The following DGKB variants were observed in gnomAD, a reference collection of about 807,000 sequenced individuals.
The protein encoded by DGKB is 90 kDa diacylglycerol kinase.
Under a neutral mutation model 114.3 loss-of-function variants are expected in DGKB, and 67 were observed. That is an observed-to-expected ratio of 0.59 (90% CI 0.48 to 0.72). The LOEUF (loss-of-function observed/expected upper bound fraction) is 0.72, where lower values mean the gene tolerates loss of function less well. Ranked by LOEUF, DGKB falls within the 30% of genes least tolerant of loss-of-function variation. DGKB has a pLI of 0.00. For missense variants in DGKB, 907 were observed against 975.2 expected, an observed-to-expected ratio of 0.93 and a Z score of 0.93; for synonymous variants, 398 against 323.1, an observed-to-expected ratio of 1.23 and a Z score of -2.49.
At chr7:14,497,472 AT>A (rs934690250) in intron 20 of DGKB, among the ~76,000 whole-genome samples, 6 of 151,872 alleles carry the variant, frequency 4.0e-5, no homozygotes, top group African/African-American at 1.4e-4. Context: ...TATGAAGTCC[AT>A]CCCCCCATAT....
intron 23 of DGKB, among the ~76,000 whole-genome samples, chr7:14,182,632 GC>G (rs2128252482): frequency 6.6e-6 from 1 of 152,164 alleles, no homozygotes; most frequent in African/African-American, 2.4e-5. Context: ...AATAATTAGT[GC>G]TGCATTCATC....
chr7:14,396,926 A>G (rs1020906096), intron 21 of DGKB, among the ~76,000 whole-genome samples: 1 of 152,180 alleles, frequency 6.6e-6, no homozygotes, highest in African/African-American at 2.4e-5. Flanking sequence ...AACTTTGAAT[A>G]AGGTTGAGAA....
At chr7:14,656,733 CAGTATATATATAGGATAT>C (rs1563814082) in intron 13 of DGKB, among the ~76,000 whole-genome samples, 2 of 125,908 alleles carry the variant, frequency 1.6e-5, no homozygotes, top group Non-Finnish European at 3.3e-5. Flanking sequence ...GATATATATA[CAGTATATATATAGGATAT>C]ATACACACAC....
At chr7:14,804,215 T>A (rs1408342258) in intron 2 of DGKB, among the ~76,000 whole-genome samples, 1 of 151,980 alleles carries the variant, frequency 6.6e-6, no homozygotes, top group Non-Finnish European at 1.5e-5. Flanking sequence ...TTACAGTTAA[T>A]TTGCTTGACA....
chr7:14,936,667 G>A (rs1231834143), intron 1 of DGKB, among the ~76,000 whole-genome samples: 1 of 152,054 alleles, frequency 6.6e-6, no homozygotes, highest in Non-Finnish European at 1.5e-5. Context: ...CTGTTTGCGG[G>A]CTCGGCATCC....
At chr7:14,883,072 A>G (rs1290832305) in intron 1 of DGKB, among the ~76,000 whole-genome samples, 1 of 151,978 alleles carries the variant, frequency 6.6e-6, no homozygotes, top group East Asian at 1.9e-4. Flanking sequence ...TTCTGATGAC[A>G]TGAAAGCATG....
At chr7:14,319,069 T>C (rs917478808) in intron 23 of DGKB, among the ~76,000 whole-genome samples, 2 of 143,388 alleles carry the variant, frequency 1.4e-5, no homozygotes, top group Non-Finnish European at 3.0e-5. Flanking sequence ...TGCTCACTCA[T>C]AGGTGGGAAT....
At chr7:14,611,925 C>CT (rs1232139883) in intron 16 of DGKB, among the ~76,000 whole-genome samples, 2 of 151,176 alleles carry the variant, frequency 1.3e-5, no homozygotes, top group Admixed American at 1.3e-4. Flanking sequence ...GGAAAGTTTT[C>CT]TTTTTTTGTT....
At chr7:14,329,498 G>A (rs1422268172) in intron 23 of DGKB, among the ~76,000 whole-genome samples, 1 of 151,924 alleles carries the variant, frequency 6.6e-6, no homozygotes, top group Non-Finnish European at 1.5e-5. Flanking sequence ...GGAGGAACAA[G>A]GAAAATGGTT....
chr7:14,590,856 G>C (rs569891131), intron 17 of DGKB, among the ~76,000 whole-genome samples: 1 of 152,144 alleles, frequency 6.6e-6, no homozygotes, highest in East Asian at 1.9e-4. Context: ...ATTAAAAGTA[G>C]TATAGGTATG....
At chr7:14,398,803 A>AT (rs397773296) in intron 21 of DGKB, among the ~76,000 whole-genome samples, 1 of 151,254 alleles carries the variant, frequency 6.6e-6, no homozygotes, top group African/African-American at 2.4e-5. Flanking sequence ...TAAAAAAAAA[A>AT]AGTTGCAGAA....
intron 7 of DGKB, 141 bp downstream of exon 7, chr7:14,701,540 T>A: frequency 1.6e-6 from 1 of 622,614 alleles, no homozygotes; most frequent in Non-Finnish European, 2.9e-6. Flanking sequence ...TCGCAAAAAG[T>A]CAAAAAGATA....
intron 25 of DGKB, among the ~76,000 whole-genome samples, chr7:14,171,985 A>G (rs1376949054): frequency 2.0e-5 from 3 of 152,184 alleles, no homozygotes; most frequent in East Asian, 1.9e-4. Flanking sequence ...TATTGTTTTG[A>G]TAAAACTGAA....
chr7:14,779,616 AG>A (rs1838765633), intron 2 of DGKB, among the ~76,000 whole-genome samples: 1 of 152,222 alleles, frequency 6.6e-6, no homozygotes, highest in Non-Finnish European at 1.5e-5. Context: ...TAAAATAAAA[AG>A]TAAAGGCTCC....
At chr7:14,341,688 A>T (rs1811626903) in intron 22 of DGKB, among the ~76,000 whole-genome samples, 1 of 151,888 alleles carries the variant, frequency 6.6e-6, no homozygotes, top group South Asian at 2.1e-4. Flanking sequence ...AGAAAAGAAG[A>T]CGGTTTCAAT....
chr7:14,431,971 T>G (rs1583892652), intron 21 of DGKB, among the ~76,000 whole-genome samples: 2 of 124,472 alleles, frequency 1.6e-5, no homozygotes, highest in Non-Finnish European at 3.5e-5. Context: ...TGTCTTGACA[T>G]TTGTTAGCTG....
intron 17 of DGKB, among the ~76,000 whole-genome samples, chr7:14,584,783 C>A (rs1195635138): frequency 6.6e-6 from 1 of 151,924 alleles, no homozygotes; most frequent in African/African-American, 2.4e-5. Context: ...CTCAGCCTCC[C>A]AAGTAAGCTG....
intron 23 of DGKB, among the ~76,000 whole-genome samples, chr7:14,288,299 T>A (rs2128467546): frequency 6.7e-6 from 1 of 149,118 alleles, no homozygotes; most frequent in Non-Finnish European, 1.5e-5. Context: ...TTTTTTTTTT[T>A]TTTTTTACTG....
At chr7:14,369,224 T>C (rs1026437763) in intron 21 of DGKB, among the ~76,000 whole-genome samples, 1 of 152,160 alleles carries the variant, frequency 6.6e-6, no homozygotes, top group African/African-American at 2.4e-5. Context: ...TCCAGCTTCA[T>C]CCATGTCCCT....
Sources: allele counts gnomAD v4.1 joint callset (sites outside exome capture counted in the v4.1 genomes callset), GRCh38; gene constraint gnomAD v4.1.1; transcripts MANE v1.5; gene names NCBI Gene and HGNC (gene_info 2026-07-23, HGNC 2026-07-21).